The following SCUBE1 variants were observed in gnomAD, a reference collection of about 807,000 sequenced individuals.
The protein encoded by SCUBE1 is signal peptide, CUB domain and EGF like domain containing 1.
In SCUBE1, 59 loss-of-function variants were observed where a neutral mutation model predicts 124.4. That is an observed-to-expected ratio of 0.47 (90% CI 0.38 to 0.59). The LOEUF (loss-of-function observed/expected upper bound fraction) is 0.59, where lower values mean the gene tolerates loss of function less well. SCUBE1 is among the 20% of genes least tolerant of loss of function. The pLI, the probability that SCUBE1 is intolerant of heterozygous loss-of-function variation, is 0.00. For missense variants in SCUBE1, 1,150 were observed against 1,371.2 expected (o/e 0.84, Z 2.55); for synonymous variants, 545 against 550.9 (o/e 0.99, Z 0.15).
intron 4 of SCUBE1, chr22:43,270,323 G>C (rs1300028412): frequency 6.6e-6 from 1 of 152,222 alleles, no homozygotes; most frequent in African/African-American, 2.4e-5. Flanking sequence ...AAACACTTCT[G>C]GTCCCAAGCA....
intron 2 of SCUBE1, among the ~76,000 whole-genome samples, chr22:43,324,739 A>G (rs1039645927): frequency 2.0e-5 from 3 of 151,950 alleles, no homozygotes; most frequent in African/African-American, 7.3e-5. Context: ...ACTGACAGCC[A>G]GAGAACGAGA....
chr22:43,210,992 G>A lies in SCUBE1; in HGVS notation c.2313C>T (p.Asn771=). Reference sequence around the variant, plus strand: ...TGTTGCCCGGACAGGTGATGCAGTGGTTCTGGCCAAACTCGGGCTGGTAGG... The same window carrying A: ...TGTTGCCCGGACAGGTGATGCAGTGATTCTGGCCAAACTCGGGCTGGTAGG... ...VGTYQPEFGQ[N]HCITCPGNTS... Residue 771 remains asparagine, a synonymous_variant, in exon 18 of 22, where the codon AAC becomes AAT. Transcript: ENST00000360835. The surrounding 1 kb of genome is among the most constrained non-coding windows in gnomAD (Gnocchi z 4.5). 1 of 1,614,164 alleles carries A rather than the reference G, an allele frequency of 6.2e-7. No individual in the cohort carries two copies. The highest frequency in any genetic ancestry group is 1.3e-5 in the African/African-American group (1 of 75,050).
At chr22:43,319,208 G>A (rs145358451) in intron 3 of SCUBE1, among the ~76,000 whole-genome samples, 1 of 152,116 alleles carries the variant, frequency 6.6e-6, no homozygotes, top group Non-Finnish European at 1.5e-5. Context: ...CTTAAAAATG[G>A]AGTTTGTAGA....
intron 7 of SCUBE1, among the ~76,000 whole-genome samples, chr22:43,235,283 C>A (rs945932363): frequency 6.6e-6 from 1 of 151,888 alleles, no homozygotes; most frequent in East Asian, 1.9e-4. Context: ...GGGGGCAGGG[C>A]GATGGGGTGA....
intron 15 of SCUBE1, 94 bp downstream of exon 15, chr22:43,218,161 G>T: frequency 8.3e-7 from 1 of 1,209,286 alleles, no homozygotes; most frequent in Non-Finnish European, 1.2e-6. Context: ...CTCCCCAGGT[G>T]TCTGTCTCAC....
chr22:43,324,027 C>A (rs2146788997), intron 2 of SCUBE1, among the ~76,000 whole-genome samples: 1 of 152,252 alleles, frequency 6.6e-6, no homozygotes, highest in South Asian at 2.1e-4. Flanking sequence ...AAGATGTAAT[C>A]CAACTGGCTA....
At chr22:43,329,641 C>T (rs1379879623) in intron 2 of SCUBE1, among the ~76,000 whole-genome samples, 2 of 152,204 alleles carry the variant, frequency 1.3e-5, no homozygotes, top group Non-Finnish European at 2.9e-5. Flanking sequence ...TGCTGTTAAC[C>T]TAGGCCAGGC....
At chr22:43,273,958 C>T (rs1418450695) in intron 4 of SCUBE1, among the ~76,000 whole-genome samples, 1 of 152,154 alleles carries the variant, frequency 6.6e-6, no homozygotes, top group Non-Finnish European at 1.5e-5. Flanking sequence ...AGGGGGTGCT[C>T]TGTAAGGCTG....
chr22:43,205,302 T>C (rs13058379), intron 21 of SCUBE1, among the ~76,000 whole-genome samples: 5,988 of 152,172 alleles, frequency 0.039, 146 homozygotes, highest in South Asian at 0.057. Flanking sequence ...GGAGGGCAGA[T>C]GCAGTCCCCG....
intron 3 of SCUBE1, among the ~76,000 whole-genome samples, chr22:43,313,310 G>A (rs1258703397): frequency 1.3e-5 from 2 of 152,216 alleles, no homozygotes; most frequent in African/African-American, 4.8e-5. Context: ...GAAAAAAAGT[G>A]CCAAGAGGCA....
At chr22:43,238,523 C>T in intron 7 of SCUBE1, 1 of 588,610 alleles carries the variant, frequency 1.7e-6, no homozygotes, top group Non-Finnish European at 3.0e-6. Flanking sequence ...GGAAGTCCCA[C>T]AGTAGAGACG....
At position 43,293,684 on chromosome 22, in the gene SCUBE1, G is replaced by A. The variant is rs547717068; in HGVS notation, c.350-2504C>T. 3.3e-5 allele frequency among the ~76,000 whole-genome samples: 5 copies of A among 152,352 alleles called. No individual in the cohort carries two copies. The South Asian group carries it at 1.0e-3, about 32-fold the overall frequency. The stretch of plus-strand genomic sequence containing the variant: ...CAATGGGACCTGGACATGGGCAGCT[G>A]TCCCTGGGACTCAGTTCGGACCCCT... On this transcript the variant is annotated intron_variant, in intron 3 of 21. Transcript: ENST00000360835.
At position 43,220,475 on chromosome 22, in the gene SCUBE1, G is replaced by A. The variant is rs200930097; in HGVS notation, c.1662C>T (p.Ile554=). The change falls in exon 14 of 22, where the codon ATC becomes ATT. Residue 554 remains isoleucine, a synonymous_variant. Coordinates refer to ENST00000360835, the MANE Select transcript of SCUBE1 (RefSeq NM_173050.5). ...EVSHITAEFE[I]ETKMEEASDT... ...CTGAGGCCTCTTCCATCTTTGTCTC[G>A]ATCTCAAACTCTGCTGTGATGTGGG... 3.7e-4 allele frequency: 597 copies of A among 1,614,018 alleles called. No homozygotes were observed. Among genetic ancestry groups the A allele is most frequent in the Admixed American group, 6.2e-4 (37 of 60,028 alleles).
intron 3 of SCUBE1, among the ~76,000 whole-genome samples, chr22:43,303,862 G>T (rs1925865139): frequency 6.6e-6 from 1 of 152,240 alleles, no homozygotes; most frequent in Admixed American, 6.5e-5. Context: ...TGCATGAGCT[G>T]ATTTTCTCCT....
chr22:43,235,470 G>A (rs930189109), intron 7 of SCUBE1, among the ~76,000 whole-genome samples: 5 of 152,092 alleles, frequency 3.3e-5, no homozygotes, highest in African/African-American at 9.7e-5. Context: ...GCCAGGTGGC[G>A]GTCACTCGAG....
At chr22:43,333,580 C>G (rs572714638) in intron 2 of SCUBE1, among the ~76,000 whole-genome samples, 2 of 152,290 alleles carry the variant, frequency 1.3e-5, no homozygotes, top group South Asian at 4.1e-4. Context: ...AGCCTCACAT[C>G]GGGCTTCCCA....
At chr22:43,252,147 G>A (rs115765082) in intron 6 of SCUBE1, among the ~76,000 whole-genome samples, 229 of 152,344 alleles carry the variant, frequency 1.5e-3, no homozygotes, top group African/African-American at 5.1e-3. Context: ...CTCAGGGACT[G>A]GGGTGACTAT....
chr22:43,263,775 G>A (rs548475851), intron 4 of SCUBE1, among the ~76,000 whole-genome samples: 1 of 152,174 alleles, frequency 6.6e-6, no homozygotes, highest in Non-Finnish European at 1.5e-5. Context: ...TGTAACTCCT[G>A]GTTTCACCTG....
At chr22:43,309,406 C>T (rs1464792422) in intron 3 of SCUBE1, among the ~76,000 whole-genome samples, 1 of 152,156 alleles carries the variant, frequency 6.6e-6, no homozygotes, top group East Asian at 1.9e-4. Flanking sequence ...GGGTTCAAAG[C>T]CAGGCAGATC....
Sources: allele counts gnomAD v4.1 joint callset (sites outside exome capture counted in the v4.1 genomes callset), GRCh38; gene constraint gnomAD v4.1.1; non-coding constraint Gnocchi (gnomAD v3.1); transcripts MANE v1.5; gene names NCBI Gene and HGNC (gene_info 2026-07-23, HGNC 2026-07-21).